SLC24A2: variants seen among roughly 807,000 people sequenced by gnomAD.
SLC24A2 encodes the protein solute carrier family 24 member 2.
A neutral mutation model predicts 62.0 loss-of-function variants in SLC24A2; 36 were observed. The observed-to-expected ratio is 0.58, with a 90% CI of 0.44 to 0.77. The LOEUF is 0.77. Ranked by LOEUF, SLC24A2 falls within the 30% of genes least tolerant of loss-of-function variation. The pLI is 0.00. For synonymous variants in SLC24A2, 358 were observed against 294.0 expected (o/e 1.22, Z -2.23); for missense variants, 846 against 817.9 (o/e 1.03, Z -0.42).
At chr9:19,864,159 A>G in the SLC24A2 span, among the ~76,000 whole-genome samples, 1 of 152,044 alleles carries the variant, frequency 6.6e-6, no homozygotes, top group African/African-American at 2.4e-5. Flanking sequence ...GAACAGACCA[A>G]TAACAAGCAA....
chr9:19,796,180 G>C, the SLC24A2 span, among the ~76,000 whole-genome samples: 20 of 150,764 alleles, frequency 1.3e-4, no homozygotes, highest in African/African-American at 4.1e-4. Context: ...TAAATGACGA[G>C]TTAATGGGTG....
the SLC24A2 span, among the ~76,000 whole-genome samples, chr9:20,092,660 C>A: frequency 6.6e-6 from 1 of 152,162 alleles, no homozygotes; most frequent in Non-Finnish European, 1.5e-5. Context: ...TATATGGATA[C>A]ATTGTATGCT....
At chr9:19,799,294 T>A in the SLC24A2 span, among the ~76,000 whole-genome samples, 1 of 152,220 alleles carries the variant, frequency 6.6e-6, no homozygotes, top group African/African-American at 2.4e-5. Context: ...AGAAAATACT[T>A]TGCTGAAGTA....
chr9:20,288,741 CAAAAAAA>C, the SLC24A2 span, among the ~76,000 whole-genome samples: 688 of 79,300 alleles, frequency 8.7e-3, 11 homozygotes, highest in African/African-American at 0.022. Context: ...GACTCTGTCT[CAAAAAAA>C]AAAAAAAAAA....
upstream of SLC24A2, among the ~76,000 whole-genome samples, chr9:19,790,604 TATTTTAAAA>T (rs1160991590): frequency 2.0e-5 from 3 of 151,278 alleles, no homozygotes; most frequent in African/African-American, 7.3e-5. Flanking sequence ...TAATTGATAA[TATTTTAAAA>T]ACAACTGAAC....
the SLC24A2 span, among the ~76,000 whole-genome samples, chr9:19,902,719 C>A: frequency 4.8e-4 from 73 of 152,166 alleles, no homozygotes; most frequent in African/African-American, 1.5e-3. Context: ...ATTCTGGAGA[C>A]CTCCAGAAAG....
chr9:20,204,913 T>TC, the SLC24A2 span, among the ~76,000 whole-genome samples: 1 of 151,852 alleles, frequency 6.6e-6, no homozygotes, highest in Non-Finnish European at 1.5e-5. Flanking sequence ...TCGGCTAATT[T>TC]TTTTTCTATT....
At chr9:19,573,911 G>C (rs911663963) in intron 6 of SLC24A2, among the ~76,000 whole-genome samples, 2 of 152,112 alleles carry the variant, frequency 1.3e-5, no homozygotes, top group Non-Finnish European at 2.9e-5. Flanking sequence ...TTACACCCTG[G>C]ACTGTACCCT....
chr9:19,746,960 CAACT>C (rs1289636909), intron 2 of SLC24A2, among the ~76,000 whole-genome samples: 1 of 151,932 alleles, frequency 6.6e-6, no homozygotes, highest in Admixed American at 6.6e-5. Flanking sequence ...GGAAAAAAGC[CAACT>C]AACAAGAACA....
the SLC24A2 span, among the ~76,000 whole-genome samples, chr9:19,890,460 C>T: frequency 6.6e-6 from 1 of 152,128 alleles, no homozygotes; most frequent in African/African-American, 2.4e-5. Context: ...TGCTTGACTT[C>T]TCAATGTCAT....
At chr9:19,527,225 T>C (rs1833483290) in intron 9 of SLC24A2, among the ~76,000 whole-genome samples, 1 of 152,226 alleles carries the variant, frequency 6.6e-6, no homozygotes, top group South Asian at 2.1e-4. Context: ...GGAATTTATG[T>C]AGTTTATAAT....
In SLC24A2 at chr9:19,521,035, T is replaced by C. The variant is rs1833172906; in HGVS notation, c.1595A>G (p.Glu532Gly). ...HQVGETIGISEEIMGLTILAA... is the reference protein window; with the variant it reads ...HQVGETIGISGEIMGLTILAA... ...CAAGATGGTCAGGCCCATAATCTCT[T>C]CACTGATGCCAATTGTCTCTCCAAC... The change falls in exon 10 of 11, where the codon GAA becomes GGA. Residue 532 changes from glutamate (E) to glycine (G), a missense_variant. Physicochemically the swap from Glu to Gly is moderately conservative, Grantham distance 98 (BLOSUM62 -2). Coordinates refer to ENST00000341998, the MANE Select transcript of SLC24A2 (RefSeq NM_020344.4). The C allele has an allele frequency of 6.2e-7, 1 of 1,614,014 alleles. No individual in the cohort carries two copies. The highest frequency in any genetic ancestry group is 1.3e-5 in the African/African-American group (1 of 74,936).
chr9:19,552,609 G>T (rs1422253091), intron 7 of SLC24A2, among the ~76,000 whole-genome samples: 3 of 152,000 alleles, frequency 2.0e-5, no homozygotes, highest in African/African-American at 7.2e-5. Flanking sequence ...TGAGATTGAT[G>T]CCTCCCCCTA....
At chr9:20,274,108 G>T in the SLC24A2 span, among the ~76,000 whole-genome samples, 1 of 152,158 alleles carries the variant, frequency 6.6e-6, no homozygotes, top group Non-Finnish European at 1.5e-5. Flanking sequence ...GATATAAGAG[G>T]GAATAAGCCA....
At chr9:20,070,060 T>G in the SLC24A2 span, among the ~76,000 whole-genome samples, 1 of 152,226 alleles carries the variant, frequency 6.6e-6, no homozygotes, top group Non-Finnish European at 1.5e-5. Context: ...TTATTTATTA[T>G]TTATTTCAGA....
the SLC24A2 span, among the ~76,000 whole-genome samples, chr9:19,973,941 G>C: frequency 6.6e-6 from 1 of 152,080 alleles, no homozygotes. Flanking sequence ...AGTGTAATAA[G>C]TTAGGATGAT....
At chr9:19,662,732 C>T (rs1011471928) in intron 2 of SLC24A2, among the ~76,000 whole-genome samples, 3 of 152,156 alleles carry the variant, frequency 2.0e-5, no homozygotes, top group African/African-American at 4.8e-5. Flanking sequence ...AAAGTAACAC[C>T]TGTTTTCAAA....
the SLC24A2 span, among the ~76,000 whole-genome samples, chr9:20,039,148 C>T: frequency 7.9e-5 from 12 of 152,308 alleles, no homozygotes; most frequent in South Asian, 2.1e-4. Context: ...GGTGGAAAGA[C>T]GCTGAGCCAG....
At chr9:19,961,019 G>A in the SLC24A2 span, among the ~76,000 whole-genome samples, 130 of 80,412 alleles carry the variant, frequency 1.6e-3, no homozygotes, top group African/African-American at 4.3e-3. Flanking sequence ...GGATTAGAGG[G>A]GTGGGTGTGT....
Sources: allele counts gnomAD v4.1 joint callset (sites outside exome capture counted in the v4.1 genomes callset), GRCh38; gene constraint gnomAD v4.1.1; transcripts MANE v1.5; gene names NCBI Gene and HGNC (gene_info 2026-07-23, HGNC 2026-07-21).